The following TCOF1 variants were observed in gnomAD, a reference collection of about 807,000 sequenced individuals.
TCOF1 encodes treacle protein.
Under a neutral mutation model 149.0 loss-of-function variants are expected in TCOF1, and 33 were observed. The observed-to-expected ratio is 0.22, with a 90% CI of 0.17 to 0.30. TCOF1 has a LOEUF of 0.30. Ranked by LOEUF, TCOF1 falls within the 10% of genes least tolerant of loss-of-function variation. The probability of loss-of-function intolerance (pLI) is 1.00; values close to 1 mark genes in which losing one functional copy is unlikely to be tolerated. For missense variants in TCOF1, 1,728 were observed against 1,840.7 expected (o/e 0.94, Z 1.12); for synonymous variants, 789 against 738.8 (o/e 1.07, Z -1.10).
At chr5:150,381,320 G>A (rs1034531718) in intron 17 of TCOF1, among the ~76,000 whole-genome samples, 3 of 152,188 alleles carry the variant, frequency 2.0e-5, no homozygotes, top group African/African-American at 4.8e-5. Context: ...ACAATTACTG[G>A]GGGTGAAAGA....
chr5:150,372,989 T>C (rs1762875024), intron 7 of TCOF1, among the ~76,000 whole-genome samples: 1 of 152,138 alleles, frequency 6.6e-6, no homozygotes, highest in African/African-American at 2.4e-5. Context: ...TCCCACCCCA[T>C]CTACAGGGAA....
At chr5:150,371,890 T>C in intron 6 of TCOF1, 116 bp from the exon 7 acceptor site, 10 of 974,934 alleles carry the variant, frequency 1.0e-5, no homozygotes, top group Non-Finnish European at 1.6e-5. Flanking sequence ...AGGGAGTTGC[T>C]TAAAAATCCA....
Position 150,374,811 on chromosome 5 carries a change from G to A in TCOF1, c.1278G>A (p.Gln426=). The change falls in exon 9 of 27, where the codon CAG becomes CAA. Residue 426 remains glutamine (Q), a splice_region_variant and synonymous_variant. Coordinates refer to ENST00000643257, the MANE Select transcript of TCOF1 (RefSeq NM_001371623.1). ...ACAGTGAGGAGGAGGCGCCTGCTCAGGTGAGGCAGAGGGGAGGGGTGGAGA... is the reference window on the plus strand; with the variant it reads ...ACAGTGAGGAGGAGGCGCCTGCTCAAGTGAGGCAGAGGGGAGGGGTGGAGA... ...ESDSEEEAPA[Q]AKPSGKAPQV... is the part of the protein sequence containing the mutation. 1 of 1,607,536 alleles carries A rather than the reference G, an allele frequency of 6.2e-7. No individual in the cohort carries two copies.
intron 25 of TCOF1, 59 bp downstream of exon 25, chr5:150,398,510 T>G: frequency 6.2e-7 from 1 of 1,612,080 alleles, no homozygotes; most frequent in South Asian, 1.1e-5. Flanking sequence ...AGCCCCCTCC[T>G]ACACACCCAG....
At position 150,374,679 on chromosome 5, in the gene TCOF1, C is replaced by G. The variant is rs1408583242; in HGVS notation, c.1146C>G (p.Pro382=). 6.2e-7 allele frequency: 1 copy of G among 1,612,972 alleles called. No individual in the cohort carries two copies. The highest frequency in any genetic ancestry group is 8.5e-7 in the Non-Finnish European group (1 of 1,179,730). The change falls in exon 9 of 27, where the codon CCC becomes CCG. Residue 382 remains proline (P), a synonymous_variant. Coordinates refer to ENST00000643257, the MANE Select transcript of TCOF1 (RefSeq NM_001371623.1). ...CCTCAGCCCCTGCCAAGGAGTCCCC[C>G]AGGAAAGGAGCTGCCCCAGCGCCCC... ...GAASAPAKES[P]RKGAAPAPPG... is the part of the protein sequence containing the mutation.
chr5:150,375,126 G>A lies in TCOF1; in HGVS notation c.1451G>A (p.Ser484Asn), dbSNP rs1159994273. 2 of 1,613,606 alleles carry A rather than the reference G, an allele frequency of 1.2e-6. No individual in the cohort carries two copies. The highest frequency in any genetic ancestry group is 3.3e-5 in the Admixed American group (2 of 59,996). Residue 484 changes from serine to asparagine, a missense_variant, in exon 10 of 27, where the codon AGT (serine) becomes AAT (asparagine). Transcript: ENST00000643257. ...DSRSSSEESD[S>N]DREALAAMNA... Reference sequence around the variant, plus strand: ...AGAAGCAGCAGCGAGGAGTCAGACAGTGACAGAGAGGCACTGGCAGCCATG... The same window carrying A: ...AGAAGCAGCAGCGAGGAGTCAGACAATGACAGAGAGGCACTGGCAGCCATG...
chr5:150,376,313 G>A lies in TCOF1; in HGVS notation c.2125G>A (p.Ala709Thr). 1 of 1,614,204 alleles carries A rather than the reference G, an allele frequency of 6.2e-7. No individual in the cohort carries two copies. The highest frequency in any genetic ancestry group is 8.5e-7 in the Non-Finnish European group (1 of 1,180,050). ...SDSEEEKTGLAVTVGQAKSVG... is the reference protein window; with the variant it reads ...SDSEEEKTGLTVTVGQAKSVG... ...TAGTGAGGAAGAGAAGACAGGTCTT[G>A]CAGTAACCGTGGGACAGGTGAGGCC... Residue 709 changes from alanine to threonine, a missense_variant, in exon 13 of 27, where the codon GCA becomes ACA. This residue lies in a region of TCOF1 where 1,696 missense variants were observed against 1,765.4 expected (regional missense o/e 0.96). Coordinates refer to ENST00000643257, the MANE Select transcript of TCOF1 (RefSeq NM_001371623.1).
At chr5:150,375,694 C>G in intron 11 of TCOF1, 27 bp from the exon 12 acceptor site, 3 of 1,614,208 alleles carry the variant, frequency 1.9e-6, no homozygotes, top group Non-Finnish European at 2.5e-6. Context: ...TGGGCTCCCT[C>G]TCCCGATCCT....
chr5:150,360,242 G>A (rs1325706728), intron 1 of TCOF1, among the ~76,000 whole-genome samples: 1 of 152,212 alleles, frequency 6.6e-6, no homozygotes, highest in Non-Finnish European at 1.5e-5. Context: ...GTCCACCCGT[G>A]CCCCACATTG....
Position 150,357,721 on chromosome 5 carries a change from T to A in TCOF1, c.-26T>A, listed in dbSNP as rs199754848. 168 of 1,539,076 alleles carry A rather than the reference T, an allele frequency of 1.1e-4. No homozygotes were observed. The East Asian group carries it at 2.3e-3, about 21-fold the overall frequency. Reference sequence around the variant, plus strand: ...CGGGGACTAAGGCGGGGCGTGCAGGTAGCCGGCCGGCCGGGGGTCGCGGGT... The same window carrying A: ...CGGGGACTAAGGCGGGGCGTGCAGGAAGCCGGCCGGCCGGGGGTCGCGGGT... On this transcript the variant is annotated 5_prime_UTR_variant, in exon 1 of 27. Coordinates refer to ENST00000643257, the MANE Select transcript of TCOF1 (RefSeq NM_001371623.1).
At chr5:150,398,328 C>T (rs1345240116) in intron 24 of TCOF1, 26 bp from the exon 25 acceptor site, 1 of 1,612,620 alleles carries the variant, frequency 6.2e-7, no homozygotes, top group Admixed American at 1.7e-5. Context: ...ATCTGTTGTT[C>T]AGGAACTTTA....
intron 19 of TCOF1, among the ~76,000 whole-genome samples, 174 bp downstream of exon 19, chr5:150,390,197 CT>C: frequency 6.6e-6 from 1 of 152,332 alleles, no homozygotes; most frequent in African/African-American, 2.4e-5. Context: ...CCCAAATCAC[CT>C]TTGAGTTATG....
Position 150,392,736 on chromosome 5 carries a change from G to A in TCOF1, c.3549G>A (p.Leu1183=), listed in dbSNP as rs1767698406. The A allele has an allele frequency of 1.2e-6, 2 of 1,613,986 alleles. No homozygotes were observed. Among genetic ancestry groups the A allele is most frequent in the Middle Eastern group, 1.6e-4 (1 of 6,084 alleles). The change falls in exon 22 of 27, where the codon CTG becomes CTA. Residue 1183 remains leucine (L), a synonymous_variant. Transcript: ENST00000643257. Reference sequence around the variant, plus strand: ...CCACCCCCTCCAGGACAGAGACCCTGGTGGAGGAGACCGCAGCAGAGTCCA... The same window carrying A: ...CCACCCCCTCCAGGACAGAGACCCTAGTGGAGGAGACCGCAGCAGAGTCCA... ...VGPTPSRTET[L]VEETAAESSE...
At chr5:150,393,284 T>C in intron 22 of TCOF1, 88 bp from the exon 23 acceptor site, 6 of 1,552,306 alleles carry the variant, frequency 3.9e-6, no homozygotes, top group Non-Finnish European at 5.3e-6. Context: ...GGCCCCAGGC[T>C]GCTTTCCTCA....
Position 150,374,286 on chromosome 5 carries a change from C to T in TCOF1, c.983C>T (p.Ser328Phe), listed in dbSNP as rs1467499141. 6.3e-7 allele frequency: 1 copy of T among 1,596,392 alleles called. No homozygotes were observed. The highest frequency in any genetic ancestry group is 1.1e-5 in the South Asian group (1 of 88,922). ...CCTGGGAAGGCAGGGGCTGTAGCCT[C>T]CCAGACCAAGGCAGGGAAGCCAGAG... ...APPGKAGAVASQTKAGKPEED... is the reference protein window; with the variant it reads ...APPGKAGAVAFQTKAGKPEED... Residue 328 changes from serine (S) to phenylalanine (F), a missense_variant, in exon 8 of 27, where the codon TCC becomes TTC. By Grantham distance (155) the Ser-to-Phe change is radical. Around this residue, in one of 2 missense-constraint regions of TCOF1, gnomAD observed 1,696 missense variants for 1,765.4 expected, o/e 0.96. Transcript: ENST00000643257.
Position 150,357,703 on chromosome 5 carries a change from T to C in TCOF1, c.-44T>C, listed in dbSNP as rs972760502. On this transcript the variant is annotated 5_prime_UTR_variant, in exon 1 of 27. Coordinates refer to ENST00000643257, the MANE Select transcript of TCOF1 (RefSeq NM_001371623.1). ...CGCGAGGGAAGTGGCGGGCGGGGAC[T>C]AAGGCGGGGCGTGCAGGTAGCCGGC... 2.6e-6 allele frequency: 4 copies of C among 1,518,732 alleles called. No individual in the cohort carries two copies. Among genetic ancestry groups the C allele is most frequent in the Non-Finnish European group, 3.6e-6 (4 of 1,124,888 alleles). 94.1% of individuals were successfully genotyped at this position (1,518,732 alleles called of 1,614,324 possible).
Position 150,364,678 on chromosome 5 carries a change from C to T in TCOF1, c.304+426C>T, listed in dbSNP as rs188349976. Among the ~76,000 whole-genome samples the T allele has an allele frequency of 2.4e-4, 37 of 152,304 alleles. 1 individual carries two copies. Among genetic ancestry groups the T allele is most frequent in the African/African-American group, 8.2e-4 (34 of 41,558 alleles). Reference sequence around the variant, plus strand: ...CTTCATGTTCATTTAGAATTGTACCCATTAGCACTGGAACGCTGTACTGGG... The same window carrying T: ...CTTCATGTTCATTTAGAATTGTACCTATTAGCACTGGAACGCTGTACTGGG... On this transcript the variant is annotated intron_variant, in intron 3 of 26. Coordinates refer to ENST00000643257, the MANE Select transcript of TCOF1 (RefSeq NM_001371623.1).
At chr5:150,369,039 G>T (rs566942339) in intron 5 of TCOF1, 137 bp downstream of exon 5, 3 of 1,168,888 alleles carry the variant, frequency 2.6e-6, no homozygotes, top group Admixed American at 4.0e-5. Context: ...TGCATCTTAG[G>T]ACTTTTCTCA....
chr5:150,363,181 C>G (rs548947736), intron 2 of TCOF1, among the ~76,000 whole-genome samples: 8 of 152,128 alleles, frequency 5.3e-5, no homozygotes, highest in Admixed American at 2.0e-4. Context: ...TAGCTGGGAA[C>G]AAACCAGAGA....
Sources: allele counts gnomAD v4.1 joint callset (sites outside exome capture counted in the v4.1 genomes callset), GRCh38; gene constraint gnomAD v4.1.1; regional missense constraint gnomAD v4.1.1; transcripts MANE v1.5; gene names NCBI Gene and HGNC (gene_info 2026-07-23, HGNC 2026-07-21).